PHF14: variants seen among roughly 807,000 people sequenced by gnomAD.
PHF14 encodes the protein PHD finger protein 14.
PHF14 carries 55 observed loss-of-function variants against 117.9 expected under a neutral mutation model. The ratio of observed to expected loss-of-function variants is 0.47; its 90% confidence interval spans 0.38 to 0.58. The LOEUF is 0.58. Ranked by LOEUF, PHF14 falls within the 20% of genes least tolerant of loss-of-function variation. PHF14 has a pLI of 0.00. For synonymous variants in PHF14, 409 were observed against 368.6 expected, an observed-to-expected ratio of 1.11 and a Z score of -1.26; for missense variants, 978 against 1,122.2, an observed-to-expected ratio of 0.87 and a Z score of 1.84.
intron 16 of PHF14, among the ~76,000 whole-genome samples, chr7:11,097,717 A>G (rs549564487): frequency 9.2e-5 from 14 of 152,136 alleles, no homozygotes; most frequent in Non-Finnish European, 1.9e-4. Context: ...CACATTCTCA[A>G]AGTTCATTGT....
At chr7:11,132,025 T>C (rs1003580941) in intron 17 of PHF14, among the ~76,000 whole-genome samples, 10 of 151,846 alleles carry the variant, frequency 6.6e-5, no homozygotes, top group African/African-American at 1.4e-4. Flanking sequence ...GATACAGATA[T>C]ATGGTAAAAA....
At chr7:11,087,651 G>GATT (rs1165667764) in intron 16 of PHF14, among the ~76,000 whole-genome samples, 3 of 151,974 alleles carry the variant, frequency 2.0e-5, no homozygotes, top group Non-Finnish European at 2.9e-5. Context: ...TTATATTGTG[G>GATT]ATTATAACCA....
At chr7:11,108,450 C>T in intron 16 of PHF14, 1 of 151,596 alleles carries the variant, frequency 6.6e-6, no homozygotes, top group East Asian at 1.9e-4. Flanking sequence ...TTTGAGTGAG[C>T]TAGAACCTCA....
At chr7:11,006,674 G>C (rs926256437) in intron 4 of PHF14, 4 of 624,312 alleles carry the variant, frequency 6.4e-6, no homozygotes, top group African/African-American at 3.7e-5. Flanking sequence ...TGTTTCTCCT[G>C]GGGGAGCTCT....
intron 17 of PHF14, among the ~76,000 whole-genome samples, chr7:11,140,692 A>G (rs575867643): frequency 1.3e-5 from 2 of 152,264 alleles, no homozygotes; most frequent in East Asian, 1.9e-4. Context: ...CAAGCAAGGA[A>G]GTTGAAATAA....
chr7:11,042,661 TA>T lies in PHF14; in HGVS notation c.2181-21del, dbSNP rs763278720. 3.2e-5 allele frequency: 48 copies of T among 1,522,906 alleles called. 1 individual carries two copies. Among genetic ancestry groups the T allele is most frequent in the Non-Finnish European group, 4.2e-5 (47 of 1,125,996 alleles). 94.3% of individuals were successfully genotyped at this position (1,522,906 alleles called of 1,614,324 possible). A position where few individuals can be genotyped will look rare whatever the true frequency, so the allele number is the denominator to read the frequency against. On this transcript the variant is annotated intron_variant, in intron 12 of 17. Transcript: ENST00000634607. ...CTATGATAATTATTATTGAAATCTT[TA>T]CTTGCTGCCTTTATTAAAAGTTGTG...
chr7:11,163,524 A>G (rs775551799), intron 17 of PHF14, among the ~76,000 whole-genome samples: 1 of 152,220 alleles, frequency 6.6e-6, no homozygotes, highest in Non-Finnish European at 1.5e-5. Flanking sequence ...ATAAAAGGCC[A>G]AAGGTTGTTA....
At chr7:11,111,265 A>G (rs547760267) in intron 16 of PHF14, 85 bp from the exon 17 acceptor site, 44 of 608,048 alleles carry the variant, frequency 7.2e-5, no homozygotes, top group African/African-American at 6.0e-4. Context: ...GAAATATACA[A>G]TAGTTTGTCT....
Position 11,000,675 on chromosome 7 carries a change from C to G in PHF14, c.1045+9828C>G, listed in dbSNP as rs543586240. Among the ~76,000 whole-genome samples, 3 of 152,202 alleles carry G rather than the reference C, an allele frequency of 2.0e-5. No individual in the cohort carries two copies. In the South Asian group the frequency reaches 6.2e-4, roughly 32 times the overall value. ...TTGTATATCTTCTTGGATGAGGTGT[C>G]TATTCAGATCTTTTGCCCATTTTTA... On this transcript the variant is annotated intron_variant, in intron 4 of 17. Transcript: ENST00000634607.
rs138810776 is a variant in PHF14 at position 11,139,634 on chromosome 7, C to G, written c.2772+28167C>G. ...AAATGAAGAATGTATCTATTTCACA[C>G]TAACCCTAAAGTACTGGAGGTTTAA... On this transcript the variant is annotated intron_variant, in intron 17 of 17. Transcript: ENST00000634607. 5.3e-3 allele frequency among the ~76,000 whole-genome samples: 814 copies of G among 152,266 alleles called. 7 individuals are homozygous for G. The highest frequency in any genetic ancestry group is 0.019 in the African/African-American group (788 of 41,564).
chr7:10,990,135 G>A (rs1295999899), intron 3 of PHF14, among the ~76,000 whole-genome samples: 1 of 152,128 alleles, frequency 6.6e-6, no homozygotes, highest in African/African-American at 2.4e-5. Context: ...GTTTGATAAT[G>A]CTGGAATTTC....
At chr7:11,083,464 ATTTTTTTTTT>A (rs776573456) in intron 16 of PHF14, among the ~76,000 whole-genome samples, 1 of 112,310 alleles carries the variant, frequency 8.9e-6, no homozygotes, top group Non-Finnish European at 1.8e-5. Flanking sequence ...TGCTTTCCCT[ATTTTTTTTTT>A]TTTTTTTTTT....
intron 14 of PHF14, among the ~76,000 whole-genome samples, chr7:11,058,373 T>TA (rs1181805328): frequency 1.3e-5 from 2 of 152,202 alleles, no homozygotes; most frequent in Non-Finnish European, 2.9e-5. Flanking sequence ...TTTTCGTAGT[T>TA]ATAGTTGCTG....
intron 5 of PHF14, among the ~76,000 whole-genome samples, chr7:11,018,151 T>G (rs1193005780): frequency 2.0e-5 from 3 of 152,148 alleles, no homozygotes; most frequent in Non-Finnish European, 2.9e-5. Flanking sequence ...CCATGCTGTT[T>G]TGGCTACTGT....
intron 17 of PHF14, among the ~76,000 whole-genome samples, chr7:11,140,637 C>T (rs995115016): frequency 6.6e-6 from 1 of 152,024 alleles, no homozygotes; most frequent in African/African-American, 2.4e-5. Context: ...TAATCCATAA[C>T]TGCAAGAATA....
chr7:11,099,713 A>G (rs948213968), intron 16 of PHF14, among the ~76,000 whole-genome samples: 1 of 152,130 alleles, frequency 6.6e-6, no homozygotes, highest in Non-Finnish European at 1.5e-5. Flanking sequence ...AGTTACCTCT[A>G]AGATCATTGT....
intron 17 of PHF14, among the ~76,000 whole-genome samples, chr7:11,160,817 T>C (rs1789002327): frequency 6.6e-6 from 1 of 152,168 alleles, no homozygotes; most frequent in Admixed American, 6.5e-5. Context: ...ATGTTAGATC[T>C]TTGTCAGATG....
chr7:11,051,213 T>A (rs921474206), intron 13 of PHF14, among the ~76,000 whole-genome samples: 2 of 140,000 alleles, frequency 1.4e-5, no homozygotes, highest in Non-Finnish European at 3.2e-5. Flanking sequence ...GTTAATTTTC[T>A]TTTTTTTTTT....
chr7:11,108,252 C>T (rs1787334723), intron 16 of PHF14: 1 of 151,646 alleles, frequency 6.6e-6, no homozygotes, highest in Non-Finnish European at 1.5e-5. Context: ...AGATTTTTTT[C>T]ACATTGAAAT....
Sources: gnomAD v4.1 joint callset for allele counts (sites outside exome capture counted in the v4.1 genomes callset) on GRCh38, gnomAD v4.1.1 for gene constraint, MANE v1.5 for transcripts, NCBI Gene and HGNC (gene_info 2026-07-23, HGNC 2026-07-21) for gene names.